ECHDC2: variants seen among roughly 807,000 people sequenced by gnomAD.
ECHDC2 encodes enoyl-CoA hydratase domain containing 2.
A neutral mutation model predicts 40.6 loss-of-function variants in ECHDC2; 34 were observed. The ratio of observed to expected loss-of-function variants is 0.84; its 90% confidence interval spans 0.64 to 1.11. The LOEUF (loss-of-function observed/expected upper bound fraction) is 1.11. ECHDC2 is among the 50% of genes most tolerant of loss of function. The pLI, the probability that ECHDC2 is intolerant of heterozygous loss-of-function variation, is 0.00. For synonymous variants in ECHDC2, 162 were observed against 166.6 expected, an observed-to-expected ratio of 0.97 and a Z score of 0.21; for missense variants, 392 against 400.7, an observed-to-expected ratio of 0.98 and a Z score of 0.19.
At chr1:52,899,077 G>C in intron 8 of ECHDC2, 97 bp downstream of exon 8, 1 of 1,280,356 alleles carries the variant, frequency 7.8e-7, no homozygotes, top group Non-Finnish European at 1.1e-6. Context: ...TCCACTTCCT[G>C]AGTTTTTCCC....
intron 9 of ECHDC2, chr1:52,896,940 G>T: frequency 3.2e-6 from 1 of 312,986 alleles, no homozygotes; most frequent in Non-Finnish European, 6.0e-6. Flanking sequence ...TTTGAATCCA[G>T]GTTCACACTA....
intron 1 of ECHDC2, 108 bp downstream of exon 1, chr1:52,921,445 A>G: frequency 6.9e-7 from 1 of 1,450,250 alleles, no homozygotes; most frequent in Non-Finnish European, 9.1e-7. Flanking sequence ...GGAGGGAGGG[A>G]CTGGGGATCG....
chr1:52,909,947 G>C (rs529424648), intron 3 of ECHDC2, among the ~76,000 whole-genome samples: 1 of 152,104 alleles, frequency 6.6e-6, no homozygotes, highest in Non-Finnish European at 1.5e-5. Context: ...ACAAAATGTG[G>C]TATATATACA....
At chr1:52,907,713 C>A in intron 4 of ECHDC2, 155 bp downstream of exon 4, 1 of 639,512 alleles carries the variant, frequency 1.6e-6, no homozygotes, top group South Asian at 2.1e-5. Flanking sequence ...GAACTGCCCT[C>A]GGTCATCCTC....
intron 7 of ECHDC2, among the ~76,000 whole-genome samples, chr1:52,904,353 T>C (rs1041948841): frequency 1.3e-5 from 2 of 152,220 alleles, no homozygotes; most frequent in Non-Finnish European, 2.9e-5. Flanking sequence ...GCTCCCATAC[T>C]GGATAAGCAC....
At position 52,896,462 on chromosome 1, in the gene ECHDC2, C is replaced by T. The variant is rs1010531435; in HGVS notation, c.*58G>A. 7 of 1,382,826 alleles carry T rather than the reference C, an allele frequency of 5.1e-6. No individual in the cohort carries two copies. In the Admixed American group the frequency reaches 1.0e-4, roughly 20 times the overall value. 85.7% of individuals were successfully genotyped at this position (1,382,826 alleles called of 1,614,324 possible). A position where few individuals can be genotyped will look rare whatever the true frequency, so the allele number is the denominator to read the frequency against. On this transcript the variant is annotated 3_prime_UTR_variant, in exon 10 of 10. Transcript: ENST00000371522. ...TGAAGGCAATCTGGCCACAAATCTTCCTTCTGGATCCTGCTCTTCAGGGCA... is the reference window on the plus strand; with the variant it reads ...TGAAGGCAATCTGGCCACAAATCTTTCTTCTGGATCCTGCTCTTCAGGGCA...
Position 52,911,500 on chromosome 1 carries a change from C to G in ECHDC2, c.277+66G>C, listed in dbSNP as rs149742345. 9 of 1,497,938 alleles carry G rather than the reference C, an allele frequency of 6.0e-6. No homozygotes were observed. The South Asian group carries it at 9.0e-5, about 15-fold the overall frequency. The allele number at this position is 1,497,938 out of a possible 1,614,324, so 92.8% of individuals were successfully genotyped here. On this transcript the variant is annotated intron_variant, in intron 3 of 9. Coordinates refer to ENST00000371522, the MANE Select transcript of ECHDC2 (RefSeq NM_001198961.2). Reference sequence around the variant, plus strand: ...CCATGCTGAAGCTGATCTAAGGTTTCCCCCAACCCCTGGAGGCTGGTGGGC... The same window carrying G: ...CCATGCTGAAGCTGATCTAAGGTTTGCCCCAACCCCTGGAGGCTGGTGGGC...
chr1:52,897,682 G>A, intron 8 of ECHDC2, 198 bp from the exon 9 acceptor site: 1 of 633,720 alleles, frequency 1.6e-6, no homozygotes, highest in Non-Finnish European at 2.8e-6. Flanking sequence ...GAGACATTTT[G>A]CCAGAGAAGA....
intron 8 of ECHDC2, 144 bp from the exon 9 acceptor site, chr1:52,897,628 C>T (rs1004089457): frequency 1.3e-6 from 1 of 783,070 alleles, no homozygotes; most frequent in African/African-American, 1.7e-5. Context: ...GAAGAAACAC[C>T]ATTCGTAACT....
intron 3 of ECHDC2, among the ~76,000 whole-genome samples, chr1:52,908,477 C>T (rs1648522952): frequency 6.6e-6 from 1 of 151,114 alleles, no homozygotes; most frequent in African/African-American, 2.4e-5. Context: ...ACTCCAGCCT[C>T]GGTGACGAGC....
At chr1:52,917,763 CT>C (rs1651030896) in intron 1 of ECHDC2, 2 of 416,834 alleles carry the variant, frequency 4.8e-6, no homozygotes, top group Admixed American at 5.0e-5. Context: ...GACACCATAG[CT>C]GTCATAACAT....
intron 1 of ECHDC2, among the ~76,000 whole-genome samples, chr1:52,916,809 G>C (rs1650776044): frequency 6.6e-6 from 1 of 152,188 alleles, no homozygotes; most frequent in Admixed American, 6.5e-5. Context: ...CGGGGATGGG[G>C]CTGTGCTGCA....
rs1229773121 is a variant in ECHDC2, at chr1:52,904,690, C to T, written c.658G>A (p.Ala220Thr). Residue 220 changes from alanine to threonine, a missense_variant, in exon 7 of 10, where the codon GCC (alanine) becomes ACC (threonine). Ala to Thr is a moderately conservative substitution (Grantham distance 58). Transcript: ENST00000371522. ...GCCAGTGCTCGTGCCCGCTGGTAGG[C>T]GGCGTCCCCCTCCTCGTTCTGGGCC... The part of the protein sequence containing the change: ...AVAQNEEGDA[A>T]YQRARALAQE... 26 of 1,610,506 alleles carry T rather than the reference C, an allele frequency of 1.6e-5. No homozygotes were observed. Among genetic ancestry groups the T allele is most frequent in the East Asian group, 4.5e-5 (2 of 44,856 alleles).
intron 4 of ECHDC2, 31 bp downstream of exon 4, chr1:52,907,837 C>T (rs981404355): frequency 1.3e-6 from 2 of 1,582,292 alleles, no homozygotes; most frequent in African/African-American, 2.7e-5. Context: ...ACCCCCAAAC[C>T]CCCTCCTCCA....
Position 52,914,244 on chromosome 1 carries a change from A to G in ECHDC2, c.122-2454T>C. 2.7e-6 allele frequency: 1 copy of G among 370,468 alleles called. No homozygotes were observed. The allele number at this position is 370,468 out of a possible 1,614,324, so 22.9% of individuals were successfully genotyped here. ...TTATCAGAGGAGGCAGTGGCCTTTAAGCTGAGAGCTGACAGGAGAGTAGGA... is the reference window on the plus strand; with the variant it reads ...TTATCAGAGGAGGCAGTGGCCTTTAGGCTGAGAGCTGACAGGAGAGTAGGA... On this transcript the variant is annotated intron_variant, in intron 1 of 9. Transcript: ENST00000371522. The surrounding 1 kb of genome is among the most constrained non-coding windows in gnomAD (Gnocchi z 4.0).
chr1:52,904,424 C>G (rs1374341086), intron 7 of ECHDC2, among the ~76,000 whole-genome samples: 1 of 152,208 alleles, frequency 6.6e-6, no homozygotes, highest in Non-Finnish European at 1.5e-5. Context: ...ATTCAGAGGG[C>G]TTTCAAGCCC....
chr1:52,899,636 A>G (rs1265694036), intron 7 of ECHDC2: 1 of 174,960 alleles, frequency 5.7e-6, no homozygotes, highest in Non-Finnish European at 1.2e-5. Context: ...TTATCCAATC[A>G]TTGGTGAGAC....
chr1:52,912,067 GC>G, intron 1 of ECHDC2: 1 of 1,369,970 alleles, frequency 7.3e-7, no homozygotes, highest in Non-Finnish European at 9.4e-7. Flanking sequence ...TACCACAGTA[GC>G]CCTTGCCTGC....
intron 1 of ECHDC2, among the ~76,000 whole-genome samples, chr1:52,917,836 C>T (rs952956738): frequency 1.8e-4 from 27 of 152,130 alleles, no homozygotes; most frequent in Admixed American, 5.2e-4. Flanking sequence ...CTTGCTTTAC[C>T]AGTTATACAA....
Sources: allele counts gnomAD v4.1 joint callset (sites outside exome capture counted in the v4.1 genomes callset), GRCh38; gene constraint gnomAD v4.1.1; non-coding constraint Gnocchi (gnomAD v3.1); transcripts MANE v1.5; gene names NCBI Gene and HGNC (gene_info 2026-07-23, HGNC 2026-07-21).